The following CGNL1 variants were observed in gnomAD, a reference collection of about 807,000 sequenced individuals.
CGNL1 encodes the protein cingulin-like protein 1.
A neutral mutation model predicts 141.2 loss-of-function variants in CGNL1; 132 were observed. The ratio of observed to expected loss-of-function variants is 0.93; its 90% CI spans 0.81 to 1.08. CGNL1 has a LOEUF of 1.08. Ranked by LOEUF, CGNL1 falls within the 50% of genes least tolerant of loss-of-function variation. CGNL1 has a pLI of 0.00. For missense variants in CGNL1, 1,870 were observed against 1,588.6 expected (o/e 1.18, Z -3.01); for synonymous variants, 690 against 622.1 (o/e 1.11, Z -1.63).
chr15:57,394,982 T>C (rs1188723302), intron 1 of CGNL1, among the ~76,000 whole-genome samples: 1 of 152,124 alleles, frequency 6.6e-6, no homozygotes, highest in Non-Finnish European at 1.5e-5. Flanking sequence ...CATGGTGGCA[T>C]ACGCCTGTAG....
intron 1 of CGNL1, among the ~76,000 whole-genome samples, chr15:57,413,864 G>T (rs1356470907): frequency 6.6e-6 from 1 of 152,068 alleles, no homozygotes; most frequent in Non-Finnish European, 1.5e-5. Flanking sequence ...CCCCAGTGTC[G>T]GCATCAGTTT....
At position 57,407,499 on chromosome 15, in the gene CGNL1, C is replaced by G. The variant is rs556319708; in HGVS notation, c.-15-30486C>G. Reference sequence around the variant, plus strand: ...ACCAGCCTGGGCAACATAGTGACAACCTGTCTCAACAAAAAAAATTTAAAA... The same window carrying G: ...ACCAGCCTGGGCAACATAGTGACAAGCTGTCTCAACAAAAAAAATTTAAAA... On this transcript the variant is annotated intron_variant, in intron 1 of 18. Transcript: ENST00000281282. 1.7e-4 allele frequency among the ~76,000 whole-genome samples: 26 copies of G among 152,112 alleles called. No homozygotes were observed. The East Asian group carries it at 4.5e-3, about 26-fold the overall frequency.
At chr15:57,402,776 T>G (rs1474708855) in intron 1 of CGNL1, 1 of 152,224 alleles carries the variant, frequency 6.6e-6, no homozygotes, top group Non-Finnish European at 1.5e-5. Flanking sequence ...AGGCTTCAGC[T>G]GCTCTGACCT....
At position 57,438,063 on chromosome 15, in the gene CGNL1, G is replaced by T. The variant is rs772375615; in HGVS notation, c.64G>T (p.Ala22Ser). The T allele has an allele frequency of 1.9e-6, 3 of 1,613,846 alleles. No homozygotes were observed. Among genetic ancestry groups the T allele is most frequent in the African/African-American group, 1.3e-5 (1 of 74,900 alleles). ...GGAATATGGGGTCCATCTGAGACTCGCAAGTGATGATACCCAAAAATCAAG... is the reference window on the plus strand; with the variant it reads ...GGAATATGGGGTCCATCTGAGACTCTCAAGTGATGATACCCAAAAATCAAG... ...QQEYGVHLRL[A>S]SDDTQKSRSS... The change falls in exon 2 of 19, where the codon GCA becomes TCA. Residue 22 changes from alanine (A) to serine (S), a missense_variant. By Grantham distance (99) the Ala-to-Ser change is moderately conservative. Transcript: ENST00000281282.
intron 1 of CGNL1, among the ~76,000 whole-genome samples, chr15:57,393,199 T>C (rs1399419407): frequency 1.3e-5 from 2 of 152,214 alleles, no homozygotes; most frequent in African/African-American, 4.8e-5. Context: ...AACTGACATT[T>C]CTATTGAGTT....
intron 14 of CGNL1, among the ~76,000 whole-genome samples, chr15:57,532,723 A>T (rs1463103588): frequency 2.6e-5 from 4 of 152,236 alleles, no homozygotes; most frequent in African/African-American, 9.6e-5. Flanking sequence ...GCTGCATCGT[A>T]GAGCCTACTT....
chr15:57,385,762 A>G (rs2062475730), intron 1 of CGNL1, among the ~76,000 whole-genome samples: 1 of 152,166 alleles, frequency 6.6e-6, no homozygotes, highest in East Asian at 1.9e-4. Context: ...GGTACATTTG[A>G]CAATATCTGG....
chr15:57,522,312 T>G lies in CGNL1; in HGVS notation c.2716-1177T>G, dbSNP rs543691587. ...GGTCGTGTTTTAGCCCCACATCACATGGTTGGCAGAGCAGATCTGTTCCTA... is the reference window on the plus strand; with the variant it reads ...GGTCGTGTTTTAGCCCCACATCACAGGGTTGGCAGAGCAGATCTGTTCCTA... On this transcript the variant is annotated intron_variant, in intron 10 of 18. Transcript: ENST00000281282. Among the ~76,000 whole-genome samples, 8 of 152,352 alleles carry G rather than the reference T, an allele frequency of 5.3e-5. No homozygotes were observed. In the East Asian group the frequency reaches 1.5e-3, roughly 29 times the overall value.
At chr15:57,477,438 TA>T (rs1476939207) in intron 8 of CGNL1, 1 of 152,170 alleles carries the variant, frequency 6.6e-6, no homozygotes, top group Non-Finnish European at 1.5e-5. Context: ...AAGGCATTAG[TA>T]AACTTTGGAA....
chr15:57,439,859 G>C (rs751128346), intron 2 of CGNL1, among the ~76,000 whole-genome samples: 2 of 152,184 alleles, frequency 1.3e-5, no homozygotes, highest in Admixed American at 6.5e-5. Flanking sequence ...AGACGCTACA[G>C]AGAGGCTCAA....
At chr15:57,502,793 A>G (rs1206719380) in intron 8 of CGNL1, among the ~76,000 whole-genome samples, 1 of 152,184 alleles carries the variant, frequency 6.6e-6, no homozygotes, top group Non-Finnish European at 1.5e-5. Context: ...TAGATAATCA[A>G]TGGTGGATAC....
At chr15:57,506,951 A>T (rs915487358) in intron 8 of CGNL1, among the ~76,000 whole-genome samples, 1 of 152,196 alleles carries the variant, frequency 6.6e-6, no homozygotes, top group African/African-American at 2.4e-5. Flanking sequence ...ATAACACAAA[A>T]TTCATTTTAA....
intron 4 of CGNL1, among the ~76,000 whole-genome samples, chr15:57,450,064 G>T (rs1427099997): frequency 6.6e-6 from 1 of 152,186 alleles, no homozygotes; most frequent in Non-Finnish European, 1.5e-5. Context: ...ACTAATTTGG[G>T]TAAACACCCA....
intron 8 of CGNL1, among the ~76,000 whole-genome samples, chr15:57,467,686 C>CTTTTT (rs140789370): frequency 2.0e-4 from 22 of 107,426 alleles, no homozygotes; most frequent in East Asian, 2.9e-4. Flanking sequence ...GAGTCTCTGT[C>CTTTTT]TTTTTTTTTT....
chr15:57,541,150 A>C (rs1427302655), intron 14 of CGNL1, among the ~76,000 whole-genome samples: 2 of 152,228 alleles, frequency 1.3e-5, no homozygotes, highest in African/African-American at 2.4e-5. Context: ...TGTATCCCAG[A>C]AGTTAGATCA....
At chr15:57,449,894 T>G (rs2063301087) in intron 4 of CGNL1, among the ~76,000 whole-genome samples, 1 of 152,234 alleles carries the variant, frequency 6.6e-6, no homozygotes, top group Non-Finnish European at 1.5e-5. Flanking sequence ...TGGTAGTTCA[T>G]TTCATTTTAG....
chr15:57,384,090 A>G, intron 1 of CGNL1, among the ~76,000 whole-genome samples: 1 of 151,200 alleles, frequency 6.6e-6, no homozygotes, highest in Non-Finnish European at 1.5e-5. Context: ...TTGGGAGGAG[A>G]AGGTAGGGTG....
At chr15:57,400,245 G>T (rs545378402) in intron 1 of CGNL1, among the ~76,000 whole-genome samples, 1 of 152,078 alleles carries the variant, frequency 6.6e-6, no homozygotes, top group Non-Finnish European at 1.5e-5. Flanking sequence ...GGCCCGCCTC[G>T]GCCTCCCAAA....
intron 8 of CGNL1, among the ~76,000 whole-genome samples, chr15:57,467,806 C>T (rs1264259066): frequency 6.7e-6 from 1 of 149,988 alleles, no homozygotes; most frequent in Non-Finnish European, 1.5e-5. Flanking sequence ...TCTTGTGCCT[C>T]ATCCTCCTGA....
Sources: gnomAD v4.1 joint callset for allele counts (sites outside exome capture counted in the v4.1 genomes callset) on GRCh38, gnomAD v4.1.1 for gene constraint, MANE v1.5 for transcripts, NCBI Gene and HGNC (gene_info 2026-07-23, HGNC 2026-07-21) for gene names.